Variants in AQR observed in about 807,000 individuals in gnomAD.
AQR encodes the protein RNA helicase aquarius.
AQR carries 61 observed loss-of-function variants against 180.5 expected under a neutral mutation model. The ratio of observed to expected loss-of-function variants is 0.34; its 90% CI spans 0.28 to 0.42. The LOEUF (loss-of-function observed/expected upper bound fraction) is 0.42, where lower values mean the gene tolerates loss of function less well. Among genes scored for constraint, AQR ranks in the 10% least tolerant of loss-of-function variants. AQR has a pLI of 1.00. For missense variants in AQR, 1,281 were observed against 1,798.3 expected, an observed-to-expected ratio of 0.71 and a Z score of 5.20; for synonymous variants, 551 against 588.8, an observed-to-expected ratio of 0.94 and a Z score of 0.93.
rs150391043 is a variant in AQR at position 34,915,774 on chromosome 15, A to G, written c.1343-595T>C. Among the ~76,000 whole-genome samples, 1,007 of 151,822 alleles carry G rather than the reference A, an allele frequency of 6.6e-3. 12 individuals are homozygous for G. The highest frequency in any genetic ancestry group is 0.023 in the African/African-American group (958 of 41,456). On this transcript the variant is annotated intron_variant, in intron 15 of 34. Transcript: ENST00000156471. ...AGCCTAGCCAACATAGTGAAACCCCATCTCTACTAAAAATACAAAATATTA... is the reference window on the plus strand; with the variant it reads ...AGCCTAGCCAACATAGTGAAACCCCGTCTCTACTAAAAATACAAAATATTA...
At chr15:34,858,320 C>G (rs1266382971) in intron 34 of AQR, among the ~76,000 whole-genome samples, 1 of 86,090 alleles carries the variant, frequency 1.2e-5, no homozygotes, top group Non-Finnish European at 2.3e-5. Context: ...ACGACAGCAG[C>G]AAAAAAAAAA....
In AQR at chr15:34,858,450, C is replaced by T. The variant is rs561159602; in HGVS notation, c.4144-1344G>A. ...AGAATTTAAAGAAGATCTAAATAAA[C>T]GAGAGATCTTATTCATGGATAGGAA... On this transcript the variant is annotated intron_variant, in intron 34 of 34. Transcript: ENST00000156471. 3.3e-5 allele frequency among the ~76,000 whole-genome samples: 5 copies of T among 150,992 alleles called. No individual in the cohort carries two copies. The East Asian group carries it at 7.8e-4, about 24-fold the overall frequency.
At chr15:34,966,401 T>C (rs1261783858) in intron 1 of AQR, among the ~76,000 whole-genome samples, 1 of 152,206 alleles carries the variant, frequency 6.6e-6, no homozygotes, top group Non-Finnish European at 1.5e-5. Flanking sequence ...CTTTCCTCTC[T>C]GCATTTCAAA....
intron 18 of AQR, among the ~76,000 whole-genome samples, chr15:34,905,561 C>T (rs542746916): frequency 6.6e-6 from 1 of 150,822 alleles, no homozygotes; most frequent in African/African-American, 2.5e-5. Flanking sequence ...ATGCCAAGAG[C>T]CTGCCATTCC....
chr15:34,942,513 C>T (rs764616667), intron 6 of AQR, among the ~76,000 whole-genome samples: 23 of 152,088 alleles, frequency 1.5e-4, no homozygotes, highest in South Asian at 4.1e-4. Flanking sequence ...TTGATGATTT[C>T]GCTGTTTAAA....
At chr15:34,888,461 G>C (rs1230966520) in intron 24 of AQR, among the ~76,000 whole-genome samples, 1 of 152,080 alleles carries the variant, frequency 6.6e-6, no homozygotes, top group Non-Finnish European at 1.5e-5. Flanking sequence ...CACTTTGGGA[G>C]GCCAAGATGG....
chr15:34,906,329 C>T (rs896646956), intron 18 of AQR, among the ~76,000 whole-genome samples: 2 of 152,134 alleles, frequency 1.3e-5, no homozygotes, highest in African/African-American at 4.8e-5. Context: ...CGAGATTGTG[C>T]CACTGAACTC....
At chr15:34,914,409 G>C (rs889631167) in intron 16 of AQR, among the ~76,000 whole-genome samples, 10 of 152,174 alleles carry the variant, frequency 6.6e-5, no homozygotes, top group African/African-American at 2.4e-4. Context: ...AGCAGGTGGG[G>C]AGTGGAGTTT....
chr15:34,867,548 C>T lies in AQR; in HGVS notation c.3830G>A (p.Arg1277Gln). ...QNDYILLSLV[R>Q]TRAVGHLRDV... ...CCTCAGATGGCCCACTGCCCTGGTT[C>T]GTACCAGAGAAAGAAGAATATAGTC... The change falls in exon 32 of 35, where the codon CGA (arginine) becomes CAA (glutamine). Residue 1277 changes from arginine (R) to glutamine (Q), a missense_variant. By Grantham distance (43) the Arg-to-Gln change is conservative (BLOSUM62 1). Around this residue, in one of 9 missense-constraint regions of AQR, gnomAD observed 197 missense variants for 320.7 expected, o/e 0.61. Coordinates refer to ENST00000156471, the MANE Select transcript of AQR (RefSeq NM_014691.3). 1.9e-6 allele frequency: 3 copies of T among 1,612,306 alleles called. No individual in the cohort carries two copies. Among genetic ancestry groups the T allele is most frequent in the Non-Finnish European group, 2.5e-6 (3 of 1,179,240 alleles).
intron 5 of AQR, among the ~76,000 whole-genome samples, chr15:34,946,237 A>T (rs1447628112): frequency 6.6e-6 from 1 of 152,224 alleles, no homozygotes; most frequent in African/African-American, 2.4e-5. Context: ...CGCCATTTGC[A>T]CTCCAGCCTG....
At chr15:34,896,543 T>TAAAAA (rs34623885) in intron 22 of AQR, among the ~76,000 whole-genome samples, 2 of 135,536 alleles carry the variant, frequency 1.5e-5, no homozygotes, top group African/African-American at 5.4e-5. Context: ...TAATCTATGT[T>TAAAAA]AAAAAAAAAA....
intron 20 of AQR, among the ~76,000 whole-genome samples, chr15:34,899,520 A>G (rs1005000886): frequency 6.6e-6 from 1 of 151,344 alleles, no homozygotes; most frequent in African/African-American, 2.4e-5. Flanking sequence ...CTGGGACTGT[A>G]GGCACACACC....
chr15:34,967,063 A>C (rs1281630355), intron 1 of AQR, among the ~76,000 whole-genome samples: 1 of 151,750 alleles, frequency 6.6e-6, no homozygotes, highest in African/African-American at 2.4e-5. Context: ...TTTAGTAGAG[A>C]CAGGGTTTCT....
At chr15:34,963,965 T>C (rs1167911424) in intron 2 of AQR, among the ~76,000 whole-genome samples, 1 of 152,114 alleles carries the variant, frequency 6.6e-6, no homozygotes, top group Non-Finnish European at 1.5e-5. Flanking sequence ...CCCAGCCACA[T>C]ACACATTTTT....
chr15:34,872,596 A>G (rs1175352536), intron 30 of AQR, among the ~76,000 whole-genome samples: 3 of 152,184 alleles, frequency 2.0e-5, no homozygotes, highest in Non-Finnish European at 2.9e-5. Flanking sequence ...ATTAGGAAAC[A>G]TCACTGATTT....
intron 2 of AQR, among the ~76,000 whole-genome samples, chr15:34,961,565 G>A (rs1466369971): frequency 2.2e-5 from 3 of 138,834 alleles, no homozygotes; most frequent in African/African-American, 5.6e-5. Flanking sequence ...AGTCAAGATC[G>A]CGCCACTGCA....
Position 34,852,572 on chromosome 15 carries a change from AAAAAAC to A in AQR, c.*4214_*4219del, listed in dbSNP as rs1892530998. 6.6e-6 allele frequency: 1 copy of A among 152,072 alleles called. No homozygotes were observed. Among genetic ancestry groups the A allele is most frequent in the African/African-American group, 2.4e-5 (1 of 41,438 alleles). 9.4% of individuals were successfully genotyped at this position (152,072 alleles called of 1,614,324 possible). A position where few individuals can be genotyped will look rare whatever the true frequency, so the allele number is the denominator to read the frequency against. ...GGAAATAGCTACCTATCTTATTAAA[AAAAAAC>A]AAAAACAAAGTTTTATGCTCTAATA... On this transcript the variant is annotated 3_prime_UTR_variant, in exon 35 of 35. Transcript: ENST00000156471.
intron 28 of AQR, 26 bp downstream of exon 28, chr15:34,875,909 T>G (rs375165287): frequency 1.6e-4 from 257 of 1,562,224 alleles, no homozygotes; most frequent in Non-Finnish European, 2.1e-4. Flanking sequence ...CTCTATTTTC[T>G]TTGCCTCAGA....
chr15:34,969,738 C>G lies in AQR; in HGVS notation c.-125G>C. ...TCCGCGCCGCACAAACGCTCCGGGC[C>G]GGATATCCTCAGCCTTCAGAGTCCC... is the stretch of plus-strand genomic sequence containing the variant. On this transcript the variant is annotated 5_prime_UTR_variant, in exon 1 of 35. Transcript: ENST00000156471. 2 of 939,826 alleles carry G rather than the reference C, an allele frequency of 2.1e-6. No individual in the cohort carries two copies. The highest frequency in any genetic ancestry group is 3.1e-4 in the Middle Eastern group (1 of 3,240). The allele number at this position is 939,826 out of a possible 1,614,324, so 58.2% of individuals were successfully genotyped here. A position where few individuals can be genotyped will look rare whatever the true frequency, so the allele number is the denominator to read the frequency against.
Sources: allele counts gnomAD v4.1 joint callset (sites outside exome capture counted in the v4.1 genomes callset), GRCh38; gene constraint gnomAD v4.1.1; regional missense constraint gnomAD v4.1.1; transcripts MANE v1.5; gene names NCBI Gene and HGNC (gene_info 2026-07-23, HGNC 2026-07-21).